CDC42BPA: variants seen among roughly 807,000 people sequenced by gnomAD.
The protein encoded by CDC42BPA is CDC42 binding protein kinase alpha.
In CDC42BPA, 80 loss-of-function variants were observed where a neutral mutation model predicts 223.5. The ratio of observed to expected loss-of-function variants is 0.36; its 90% CI spans 0.30 to 0.43. CDC42BPA has a LOEUF of 0.43. Ranked by LOEUF, CDC42BPA falls within the 20% of genes least tolerant of loss-of-function variation. CDC42BPA has a pLI of 1.00. For missense variants in CDC42BPA, 1,743 were observed against 2,099.9 expected, an observed-to-expected ratio of 0.83 and a Z score of 3.32; for synonymous variants, 694 against 718.6, an observed-to-expected ratio of 0.97 and a Z score of 0.55.
chr1:227,130,853 CAAAA>C (rs35556512), intron 10 of CDC42BPA, among the ~76,000 whole-genome samples: 1 of 150,410 alleles, frequency 6.6e-6, no homozygotes, highest in Non-Finnish European at 1.5e-5. Flanking sequence ...GACTCTGTCT[CAAAA>C]AAAAACAAAC....
At chr1:227,054,742 G>A (rs1351828551) in intron 21 of CDC42BPA, among the ~76,000 whole-genome samples, 1 of 152,046 alleles carries the variant, frequency 6.6e-6, no homozygotes, top group African/African-American at 2.4e-5. Context: ...TATGGATATG[G>A]ACAAATTTAA....
At chr1:227,183,767 T>C (rs1390704939) in intron 5 of CDC42BPA, among the ~76,000 whole-genome samples, 1 of 152,256 alleles carries the variant, frequency 6.6e-6, no homozygotes, top group East Asian at 1.9e-4. Flanking sequence ...TTTTAAAAAA[T>C]GTCCAACTGT....
intron 21 of CDC42BPA, among the ~76,000 whole-genome samples, chr1:227,057,459 T>C (rs1207784531): frequency 6.6e-6 from 1 of 152,194 alleles, no homozygotes; most frequent in Non-Finnish European, 1.5e-5. Context: ...ACAGAGGCCA[T>C]TGTTAAGAAT....
At chr1:227,285,066 A>G (rs1688609336) in intron 1 of CDC42BPA, among the ~76,000 whole-genome samples, 1 of 152,120 alleles carries the variant, frequency 6.6e-6, no homozygotes. Context: ...CTACCCAGCC[A>G]GACACACACC....
At chr1:227,127,308 C>T (rs1232998205) in intron 11 of CDC42BPA, among the ~76,000 whole-genome samples, 1 of 152,138 alleles carries the variant, frequency 6.6e-6, no homozygotes, top group Non-Finnish European at 1.5e-5. Context: ...TCAGCTCTTA[C>T]ATAGAGCTAA....
rs978449234 is a variant in CDC42BPA, at chr1:227,117,318, T to G, written c.1647+2486A>C. Among the ~76,000 whole-genome samples, 5 of 152,258 alleles carry G rather than the reference T, an allele frequency of 3.3e-5. No homozygotes were observed. The East Asian group carries it at 9.6e-4, about 29-fold the overall frequency. ...TCCCTAAATTGACCTATAAATTCAGTGCATTTTTTTCCCCCTGAGATAGGG... is the reference window on the plus strand; with the variant it reads ...TCCCTAAATTGACCTATAAATTCAGGGCATTTTTTTCCCCCTGAGATAGGG... On this transcript the variant is annotated intron_variant, in intron 12 of 36. Transcript: ENST00000366766.
intron 2 of CDC42BPA, among the ~76,000 whole-genome samples, chr1:227,230,812 C>CTTTTTTTTTTTTTTTTTTT (rs1309498246): frequency 2.2e-4 from 25 of 111,752 alleles, no homozygotes; most frequent in Non-Finnish European, 3.7e-4. Flanking sequence ...TTTCTTTTTT[C>CTTTTTTTTTTTTTTTTTTT]TTTCTTTCTT....
At chr1:227,275,774 T>C (rs1351259486) in intron 1 of CDC42BPA, among the ~76,000 whole-genome samples, 4 of 152,180 alleles carry the variant, frequency 2.6e-5, no homozygotes, top group African/African-American at 9.6e-5. Flanking sequence ...GACTGGTTTT[T>C]GTATTTTTTG....
chr1:227,087,233 T>A lies in CDC42BPA; in HGVS notation c.2355+4653A>T, dbSNP rs188928709. Among the ~76,000 whole-genome samples, 95 of 152,296 alleles carry A rather than the reference T, an allele frequency of 6.2e-4. 2 individuals carry two copies. The highest frequency in any genetic ancestry group is 6.1e-3 in the Admixed American group (94 of 15,308). On this transcript the variant is annotated intron_variant, in intron 16 of 36. Coordinates refer to ENST00000366766, the MANE Select transcript of CDC42BPA (RefSeq NM_001394014.1). Reference sequence around the variant, plus strand: ...GATCCACTTTGAGTTAATTTTTGTATAAGGTATGAGGTAAGGATCCAAGTT... The same window carrying A: ...GATCCACTTTGAGTTAATTTTTGTAAAAGGTATGAGGTAAGGATCCAAGTT...
intron 2 of CDC42BPA, among the ~76,000 whole-genome samples, chr1:227,226,203 G>A (rs538281554): frequency 6.6e-6 from 1 of 152,288 alleles, no homozygotes; most frequent in African/African-American, 2.4e-5. Context: ...AAGGCTGGCT[G>A]GAAACCTTAA....
chr1:227,246,675 A>G (rs2813977), intron 2 of CDC42BPA, among the ~76,000 whole-genome samples: 129,509 of 151,970 alleles, frequency 0.85, 55,317 homozygotes, highest in African/African-American at 0.88. Flanking sequence ...TGGCCTTTGA[A>G]CCCAAGTCCC....
In CDC42BPA at chr1:227,292,381, C is replaced by T. The variant is rs764724503; in HGVS notation, c.178+24624G>A. 5.9e-5 allele frequency among the ~76,000 whole-genome samples: 9 copies of T among 152,284 alleles called. No homozygotes were observed. The Middle Eastern group carries it at 0.01, about 173-fold the overall frequency. ...ACCACATTTCACTAAATATTTACCT[C>T]TAGAGACATAAGCGTTTCCATATTT... On this transcript the variant is annotated intron_variant, in intron 1 of 36. Coordinates refer to ENST00000366766, the MANE Select transcript of CDC42BPA (RefSeq NM_001394014.1).
intron 12 of CDC42BPA, among the ~76,000 whole-genome samples, chr1:227,115,210 GA>G (rs1687578430): frequency 6.6e-6 from 1 of 151,570 alleles, no homozygotes; most frequent in Non-Finnish European, 1.5e-5. Context: ...ATGACAAACA[GA>G]AAAAAAGATA....
chr1:227,165,229 T>C (rs1877617), intron 5 of CDC42BPA, among the ~76,000 whole-genome samples: 137,296 of 152,184 alleles, frequency 0.9, 62,366 homozygotes, highest in Middle Eastern at 0.96. Flanking sequence ...AGGTAGAAAC[T>C]CACAAGTGAA....
At chr1:227,056,494 C>A (rs1231786992) in intron 21 of CDC42BPA, among the ~76,000 whole-genome samples, 1 of 151,784 alleles carries the variant, frequency 6.6e-6, no homozygotes, top group African/African-American at 2.4e-5. Context: ...CCGAACTGAT[C>A]CTCCTACCTC....
At chr1:227,024,025 G>T (rs1364661091) in intron 31 of CDC42BPA, among the ~76,000 whole-genome samples, 1 of 152,118 alleles carries the variant, frequency 6.6e-6, no homozygotes, top group Non-Finnish European at 1.5e-5. Flanking sequence ...AGTAACTTCT[G>T]TTCAGCCAAA....
chr1:227,129,122 T>G lies in CDC42BPA; in HGVS notation c.1500A>C (p.Arg500Ser), dbSNP rs1268865281. 1 of 1,439,388 alleles carries G rather than the reference T, an allele frequency of 6.9e-7. No homozygotes were observed. The highest frequency in any genetic ancestry group is 9.7e-7 in the Non-Finnish European group (1 of 1,032,976). The allele number at this position is 1,439,388 out of a possible 1,614,324, so 89.2% of individuals were successfully genotyped here. A position where few individuals can be genotyped will look rare whatever the true frequency, so the allele number is the denominator to read the frequency against. ...KNLKEEIEKLRKQVTESSHLE... is the reference protein window; with the variant it reads ...KNLKEEIEKLSKQVTESSHLE... Reference sequence around the variant, plus strand: ...ACAGATATTTACCTGTTACTTGTTTTCTTAGTTTTTCAATTTCTTCTTTTA... The same window carrying G: ...ACAGATATTTACCTGTTACTTGTTTGCTTAGTTTTTCAATTTCTTCTTTTA... The change falls in exon 11 of 37, where the codon AGA (arginine) becomes AGC (serine). Residue 500 changes from arginine (R) to serine (S), a missense_variant. Around this residue, in one of 6 missense-constraint regions of CDC42BPA, gnomAD observed 464 missense variants for 488.0 expected, o/e 0.95. Coordinates refer to ENST00000366766, the MANE Select transcript of CDC42BPA (RefSeq NM_001394014.1).
At chr1:227,171,940 T>G (rs1666181309) in intron 5 of CDC42BPA, among the ~76,000 whole-genome samples, 1 of 152,132 alleles carries the variant, frequency 6.6e-6, no homozygotes, top group African/African-American at 2.4e-5. Flanking sequence ...CAACATCACA[T>G]TAATATCTCC....
At chr1:227,209,568 G>C (rs1401030132) in intron 3 of CDC42BPA, among the ~76,000 whole-genome samples, 66 of 142,824 alleles carry the variant, frequency 4.6e-4, no homozygotes, top group Non-Finnish European at 6.8e-4. Flanking sequence ...TAGCATGAAG[G>C]GTTGTTGAAT....
Sources: allele counts gnomAD v4.1 joint callset (sites outside exome capture counted in the v4.1 genomes callset), GRCh38; gene constraint gnomAD v4.1.1; regional missense constraint gnomAD v4.1.1; transcripts MANE v1.5; gene names NCBI Gene and HGNC (gene_info 2026-07-23, HGNC 2026-07-21).